NEK7: variants seen among roughly 807,000 people sequenced by gnomAD.
NEK7 encodes serine/threonine-protein kinase Nek7.
Under a neutral mutation model 44.6 loss-of-function variants are expected in NEK7, and 18 were observed. That is an observed-to-expected ratio of 0.40 (90% CI 0.28 to 0.60). NEK7 has a LOEUF of 0.60. Among genes scored for constraint, NEK7 ranks in the 20% least tolerant of loss-of-function variants. The pLI is 0.38. For synonymous variants in NEK7, 130 were observed against 121.1 expected, an observed-to-expected ratio of 1.07 and a Z score of -0.48; for missense variants, 256 against 366.5, an observed-to-expected ratio of 0.70 and a Z score of 2.46.
chr1:198,208,517 C>G (rs1473490610), intron 1 of NEK7: 1 of 152,208 alleles, frequency 6.6e-6, no homozygotes, highest in Non-Finnish European at 1.5e-5. Context: ...GCTGGGACCA[C>G]AGGCACCTGC....
chr1:198,181,012 G>A (rs778306207), intron 1 of NEK7, among the ~76,000 whole-genome samples: 83 of 151,958 alleles, frequency 5.5e-4, no homozygotes, highest in Non-Finnish European at 9.0e-4. Context: ...AAACCAAGAA[G>A]GTCACCCATT....
chr1:198,308,320 A>G (rs532869174), intron 9 of NEK7, among the ~76,000 whole-genome samples: 1 of 152,292 alleles, frequency 6.6e-6, no homozygotes, highest in African/African-American at 2.4e-5. Flanking sequence ...AATGTATACA[A>G]TTCAGTTATC....
At chr1:198,268,159 T>C (rs983603519) in intron 5 of NEK7, among the ~76,000 whole-genome samples, 1 of 151,214 alleles carries the variant, frequency 6.6e-6, no homozygotes, top group Admixed American at 6.6e-5. Flanking sequence ...TTTTTTTTAA[T>C]GTTCTTACGT....
chr1:198,198,720 C>T (rs1297103962), intron 1 of NEK7, among the ~76,000 whole-genome samples: 2 of 152,202 alleles, frequency 1.3e-5, no homozygotes, highest in African/African-American at 4.8e-5. Context: ...AATCTCTTTC[C>T]GTTCTCCACA....
At chr1:198,293,600 G>T (rs960077509) in intron 8 of NEK7, among the ~76,000 whole-genome samples, 1 of 151,874 alleles carries the variant, frequency 6.6e-6, no homozygotes, top group Non-Finnish European at 1.5e-5. Context: ...ATGGAATCAT[G>T]TAGGTAGGTC....
At chr1:198,175,816 G>T (rs1317992) in intron 1 of NEK7, among the ~76,000 whole-genome samples, 72,071 of 151,970 alleles carry the variant, frequency 0.47, 18,509 homozygotes, top group East Asian at 0.9. Context: ...GAAACTCTTC[G>T]GTAAAGATAA....
chr1:198,206,468 G>A (rs1665601044), intron 1 of NEK7, among the ~76,000 whole-genome samples: 1 of 152,076 alleles, frequency 6.6e-6, no homozygotes. Context: ...GTGTCAGCAA[G>A]AACCAAAATA....
intron 8 of NEK7, among the ~76,000 whole-genome samples, chr1:198,296,793 AG>A (rs1038026962): frequency 2.7e-4 from 41 of 152,164 alleles, no homozygotes; most frequent in African/African-American, 9.9e-4. Context: ...TGTGAGATAT[AG>A]TAGTTGTTTT....
chr1:198,194,305 T>C (rs1166252052), intron 1 of NEK7, among the ~76,000 whole-genome samples: 1 of 151,912 alleles, frequency 6.6e-6, no homozygotes, highest in African/African-American at 2.4e-5. Context: ...CTTTCTTTTT[T>C]TTTTTTTAAG....
At chr1:198,230,345 G>C (rs1436453269) in intron 1 of NEK7, among the ~76,000 whole-genome samples, 2 of 151,758 alleles carry the variant, frequency 1.3e-5, no homozygotes, top group Non-Finnish European at 2.9e-5. Context: ...TGACCAAGTG[G>C]GGTTCATCCC....
At chr1:198,222,317 A>G in intron 1 of NEK7, among the ~76,000 whole-genome samples, 1 of 152,286 alleles carries the variant, frequency 6.6e-6, no homozygotes. Flanking sequence ...TTTAGGTGAT[A>G]AACAACTAAT....
At chr1:198,274,387 C>T (rs989560491) in intron 5 of NEK7, among the ~76,000 whole-genome samples, 2 of 151,564 alleles carry the variant, frequency 1.3e-5, no homozygotes, top group Admixed American at 1.3e-4. Context: ...ATGGCAGTAA[C>T]AGAGCTTTAA....
At chr1:198,240,505 A>G (rs1446753742) in intron 2 of NEK7, among the ~76,000 whole-genome samples, 1 of 152,004 alleles carries the variant, frequency 6.6e-6, no homozygotes, top group African/African-American at 2.4e-5. Context: ...GTCTCAAAAA[A>G]AAAAAAAAAG....
chr1:198,222,799 A>G (rs12072081), intron 1 of NEK7, among the ~76,000 whole-genome samples: 20,807 of 151,838 alleles, frequency 0.14, 2,075 homozygotes, highest in East Asian at 0.57. Flanking sequence ...TAAACACAAT[A>G]AAAAAGTAAA....
Position 198,253,124 on chromosome 1 carries a change from GTT to G in NEK7, c.144_145del (p.Tyr49Ter). On this transcript the variant is annotated frameshift_variant, in exon 3 of 10. Coordinates refer to ENST00000367385, the MANE Select transcript of NEK7 (RefSeq NM_133494.3). LOFTEE classifies it high-confidence loss of function. The part of the protein sequence containing the change: ...KKIGRGQFSE[V>X]YRAACLLDGV... Reference sequence around the variant, plus strand: ...AATTGGTCGCGGACAATTTAGTGAAGTTTATAGAGCAGCCTGTCTCTTGGATG... The same window carrying G: ...AATTGGTCGCGGACAATTTAGTGAAGTATAGAGCAGCCTGTCTCTTGGATG... The G allele has an allele frequency of 6.2e-7, 1 of 1,612,442 alleles. No individual in the cohort carries two copies. The highest frequency in any genetic ancestry group is 8.5e-7 in the Non-Finnish European group (1 of 1,178,760).
intron 1 of NEK7, among the ~76,000 whole-genome samples, chr1:198,167,711 G>C (rs1664308985): frequency 6.6e-6 from 1 of 152,096 alleles, no homozygotes; most frequent in African/African-American, 2.4e-5. Flanking sequence ...TAGAGATTTT[G>C]CCTCTAGTTA....
intron 8 of NEK7, among the ~76,000 whole-genome samples, chr1:198,296,511 CTA>C (rs1175773189): frequency 6.6e-6 from 1 of 152,150 alleles, no homozygotes; most frequent in East Asian, 1.9e-4. Context: ...TGAATTACAG[CTA>C]TGACTCATAG....
At chr1:198,307,530 T>A (rs984585169) in intron 9 of NEK7, among the ~76,000 whole-genome samples, 5 of 152,118 alleles carry the variant, frequency 3.3e-5, no homozygotes, top group African/African-American at 1.2e-4. Context: ...CAACAAGAAT[T>A]TCATAGGACC....
intron 1 of NEK7, chr1:198,220,787 G>A (rs2102843858): frequency 6.6e-6 from 1 of 152,166 alleles, no homozygotes; most frequent in Middle Eastern, 3.4e-3. Flanking sequence ...GGTATCACAT[G>A]TACATACAGC....
Sources: allele counts gnomAD v4.1 joint callset (sites outside exome capture counted in the v4.1 genomes callset), GRCh38; gene constraint gnomAD v4.1.1; transcripts MANE v1.5; gene names NCBI Gene and HGNC (gene_info 2026-07-23, HGNC 2026-07-21).